CTNNA3: variants seen among roughly 807,000 people sequenced by gnomAD.
The protein encoded by CTNNA3 is catenin alpha 3.
A neutral mutation model predicts 95.7 loss-of-function variants in CTNNA3; 76 were observed. The observed-to-expected ratio is 0.79, with a 90% CI of 0.66 to 0.96. The LOEUF (loss-of-function observed/expected upper bound fraction) is 0.96. CTNNA3 is among the 40% of genes least tolerant of loss of function. The pLI is 0.00. For synonymous variants in CTNNA3, 431 were observed against 374.4 expected, an observed-to-expected ratio of 1.15 and a Z score of -1.74; for missense variants, 1,191 against 1,089.8, an observed-to-expected ratio of 1.09 and a Z score of -1.31.
intron 7 of CTNNA3, among the ~76,000 whole-genome samples, chr10:66,908,435 A>G (rs969927994): frequency 1.3e-5 from 2 of 152,156 alleles, no homozygotes; most frequent in Non-Finnish European, 2.9e-5. Flanking sequence ...TCACCATTGC[A>G]TTTCACCTGC....
intron 5 of CTNNA3, among the ~76,000 whole-genome samples, chr10:67,314,600 A>T (rs1431327619): frequency 6.6e-6 from 1 of 152,190 alleles, no homozygotes; most frequent in Non-Finnish European, 1.5e-5. Context: ...AAGGCAACAA[A>T]TACTCAACAA....
At chr10:66,788,906 A>G (rs1470034644) in intron 7 of CTNNA3, among the ~76,000 whole-genome samples, 1 of 152,188 alleles carries the variant, frequency 6.6e-6, no homozygotes, top group Non-Finnish European at 1.5e-5. Context: ...GAGAATCTAG[A>G]TTATACAACC....
intron 17 of CTNNA3, among the ~76,000 whole-genome samples, chr10:65,921,534 G>A (rs2077086056): frequency 6.6e-6 from 1 of 152,238 alleles, no homozygotes; most frequent in Non-Finnish European, 1.5e-5. Context: ...ACTCCCTATA[G>A]TTTGGATTCA....
At chr10:67,091,051 T>C (rs1330051211) in intron 7 of CTNNA3, among the ~76,000 whole-genome samples, 1 of 151,976 alleles carries the variant, frequency 6.6e-6, no homozygotes, top group Non-Finnish European at 1.5e-5. Flanking sequence ...ACTCAAATAA[T>C]ACCAAAGGGA....
rs545423733 is a variant in CTNNA3, at chr10:66,731,939, A to G, written c.1281+34325T>C. Among the ~76,000 whole-genome samples, 137 of 152,220 alleles carry G rather than the reference A, an allele frequency of 9.0e-4. 3 individuals carry two copies. Among genetic ancestry groups the G allele is most frequent in the Admixed American group, 3.9e-4 (6 of 15,278 alleles). On this transcript the variant is annotated intron_variant, in intron 9 of 17. Transcript: ENST00000433211. ...CTTAAATGTAACAGTTTTTGGTAAAAAAGAGAAAATCTTCCCTTCAAAGTG... is the reference window on the plus strand; with the variant it reads ...CTTAAATGTAACAGTTTTTGGTAAAGAAGAGAAAATCTTCCCTTCAAAGTG...
At chr10:66,051,022 A>G (rs936466695) in intron 15 of CTNNA3, among the ~76,000 whole-genome samples, 2 of 151,662 alleles carry the variant, frequency 1.3e-5, no homozygotes, top group Non-Finnish European at 2.9e-5. Flanking sequence ...CCCAGCTAAT[A>G]TTTCCTTTTT....
chr10:66,379,111 AAT>A, intron 12 of CTNNA3, 39 bp downstream of exon 12: 3 of 1,493,980 alleles, frequency 2.0e-6, no homozygotes, highest in Non-Finnish European at 2.8e-6. Flanking sequence ...TGTAGATTCA[AAT>A]AAGAGAAATT....
intron 7 of CTNNA3, among the ~76,000 whole-genome samples, chr10:67,036,881 T>C (rs1303136356): frequency 5.9e-5 from 9 of 151,810 alleles, no homozygotes; most frequent in Non-Finnish European, 1.3e-4. Flanking sequence ...GGATAAAAAT[T>C]GTGAAAAAAA....
chr10:67,623,112 G>A (rs994543134), intron 2 of CTNNA3, among the ~76,000 whole-genome samples: 2 of 152,114 alleles, frequency 1.3e-5, no homozygotes, highest in Non-Finnish European at 2.9e-5. Flanking sequence ...AGAATAATCA[G>A]CAAGAGTACA....
At chr10:66,709,337 A>C (rs1012333997) in intron 9 of CTNNA3, among the ~76,000 whole-genome samples, 1 of 152,052 alleles carries the variant, frequency 6.6e-6, no homozygotes, top group African/African-American at 2.4e-5. Flanking sequence ...TAGGACTTGT[A>C]GATAGGAACA....
chr10:66,348,297 A>G lies in CTNNA3; in HGVS notation c.1732+30855T>C, dbSNP rs2092540137. 3.3e-5 allele frequency among the ~76,000 whole-genome samples: 5 copies of G among 152,150 alleles called. No individual in the cohort carries two copies. The South Asian group carries it at 6.2e-4, about 19-fold the overall frequency. ...GCTAAAAGAACAGGCTTTGAACAGC[A>G]GATTTGCATTTTGCTATCAACCCTA... On this transcript the variant is annotated intron_variant, in intron 12 of 17. Coordinates refer to ENST00000433211, the MANE Select transcript of CTNNA3 (RefSeq NM_013266.4).
intron 7 of CTNNA3, among the ~76,000 whole-genome samples, chr10:67,047,539 G>A (rs186694941): frequency 2.1e-3 from 320 of 152,206 alleles, no homozygotes; most frequent in Middle Eastern, 3.4e-3. Flanking sequence ...TGTGCTTCTT[G>A]TCTGACCACT....
At chr10:66,042,427 G>A (rs2079714241) in intron 15 of CTNNA3, among the ~76,000 whole-genome samples, 1 of 152,018 alleles carries the variant, frequency 6.6e-6, no homozygotes, top group Admixed American at 6.6e-5. Flanking sequence ...GGTGGGAAAA[G>A]GGATATGATA....
Position 66,223,949 on chromosome 10 carries a change from C to T in CTNNA3, c.1884+56521G>A, listed in dbSNP as rs147535939. On this transcript the variant is annotated intron_variant, in intron 13 of 17. Transcript: ENST00000433211. The stretch of plus-strand genomic sequence containing the variant: ...CAGTGGCTCAAGCCTGTAATCTCAG[C>T]ATTTTGGGAGGCTGAGATGGGAGGA... Among the ~76,000 whole-genome samples, 17 of 152,148 alleles carry T rather than the reference C, an allele frequency of 1.1e-4. 1 individual carries two copies. Among genetic ancestry groups the T allele is most frequent in the African/African-American group, 4.1e-4 (17 of 41,488 alleles).
intron 3 of CTNNA3, among the ~76,000 whole-genome samples, chr10:67,586,551 TTA>T (rs1194220894): frequency 6.6e-6 from 1 of 152,164 alleles, no homozygotes; most frequent in Non-Finnish European, 1.5e-5. Flanking sequence ...CCCTCTATCA[TTA>T]TATAATGATC....
intron 7 of CTNNA3, among the ~76,000 whole-genome samples, chr10:66,892,814 T>C (rs763613135): frequency 2.6e-5 from 4 of 152,120 alleles, no homozygotes; most frequent in Non-Finnish European, 5.9e-5. Context: ...CACAATTCCC[T>C]TTCAAGAGGA....
intron 13 of CTNNA3, among the ~76,000 whole-genome samples, chr10:66,255,479 G>A (rs1254261057): frequency 1.3e-5 from 2 of 152,074 alleles, no homozygotes; most frequent in Admixed American, 6.5e-5. Context: ...TATCTGATAC[G>A]TAAAATTACA....
chr10:65,956,646 C>T (rs2077737590), intron 17 of CTNNA3, among the ~76,000 whole-genome samples: 1 of 152,166 alleles, frequency 6.6e-6, no homozygotes, highest in Non-Finnish European at 1.5e-5. Context: ...TTGTTATATA[C>T]CCAGTAGTCA....
At position 67,728,047 on chromosome 10, in the gene CTNNA3, T is replaced by C. The variant is rs370012163; in HGVS notation, c.-2+35387A>G. On this transcript the variant is annotated intron_variant, in intron 1 of 17. Transcript: ENST00000684154. ...ATTATATATGATATATAATTATAAT[T>C]ATATATAATTATATGTATATTACAT... Among the ~76,000 whole-genome samples the C allele has an allele frequency of 7.1e-5, 10 of 141,180 alleles. No individual in the cohort carries two copies. In the East Asian group the frequency reaches 1.8e-3, roughly 25 times the overall value. 92.6% of individuals were successfully genotyped at this position (141,180 alleles called of 152,430 possible).
Sources: gnomAD v4.1 joint callset for allele counts (sites outside exome capture counted in the v4.1 genomes callset) on GRCh38, gnomAD v4.1.1 for gene constraint, MANE v1.5 for transcripts, NCBI Gene and HGNC (gene_info 2026-07-23, HGNC 2026-07-21) for gene names.